Variants in PRICKLE2 observed in about 807,000 individuals in gnomAD.
The protein encoded by PRICKLE2 is prickle planar cell polarity protein 2, also known as prickle-like protein 2.
Under a neutral mutation model 81.4 loss-of-function variants are expected in PRICKLE2, and 21 were observed. That is an observed-to-expected ratio of 0.26 (90% CI 0.18 to 0.37). The LOEUF is 0.37. Ranked by LOEUF, PRICKLE2 falls within the 10% of genes least tolerant of loss-of-function variation. The probability of loss-of-function intolerance (pLI) is 1.00; values close to 1 mark genes in which losing one functional copy is unlikely to be tolerated. For synonymous variants in PRICKLE2, 456 were observed against 421.5 expected (o/e 1.08, Z -1.00); for missense variants, 940 against 1,109.0 (o/e 0.85, Z 2.16).
chr3:64,259,453 C>A (rs1234944234), intron 2 of PRICKLE2, among the ~76,000 whole-genome samples: 3 of 152,142 alleles, frequency 2.0e-5, no homozygotes, highest in Non-Finnish European at 2.9e-5. Flanking sequence ...GACCGAGGAG[C>A]TCGTAGCTAA....
intron 2 of PRICKLE2, chr3:64,163,653 C>A: frequency 5.4e-6 from 1 of 184,430 alleles, no homozygotes; most frequent in Non-Finnish European, 1.2e-5. Flanking sequence ...CAGCTGACAT[C>A]CATCAGAAAT....
At chr3:64,163,276 C>G in intron 2 of PRICKLE2, 147 bp from the exon 3 acceptor site, 1 of 699,582 alleles carries the variant, frequency 1.4e-6, no homozygotes, top group East Asian at 2.6e-5. Context: ...GATGAGTTTC[C>G]TATGGTAAGC....
intron 2 of PRICKLE2, among the ~76,000 whole-genome samples, chr3:64,180,101 A>G (rs1363035882): frequency 6.6e-6 from 1 of 152,220 alleles, no homozygotes; most frequent in Non-Finnish European, 1.5e-5. Context: ...TGCATTATTG[A>G]GTAATGTGCA....
intron 1 of PRICKLE2, among the ~76,000 whole-genome samples, chr3:64,224,543 A>G (rs1250027335): frequency 6.6e-6 from 1 of 152,156 alleles, no homozygotes; most frequent in Non-Finnish European, 1.5e-5. Flanking sequence ...TTCTGACATC[A>G]TGTGTTGAAA....
At chr3:64,114,938 G>A (rs1368501439) in intron 7 of PRICKLE2, among the ~76,000 whole-genome samples, 2 of 152,080 alleles carry the variant, frequency 1.3e-5, no homozygotes, top group Non-Finnish European at 2.9e-5. Flanking sequence ...AAATGTTAAA[G>A]GCAGCTAGAG....
At chr3:64,213,321 C>T (rs1411651311) in intron 1 of PRICKLE2, among the ~76,000 whole-genome samples, 1 of 152,096 alleles carries the variant, frequency 6.6e-6, no homozygotes, top group Non-Finnish European at 1.5e-5. Flanking sequence ...TCAGGTAATC[C>T]ACCCGCCTTG....
chr3:64,144,639 T>C (rs2077415681), intron 7 of PRICKLE2, among the ~76,000 whole-genome samples: 1 of 152,234 alleles, frequency 6.6e-6, no homozygotes. Context: ...AAGGGGCAGA[T>C]ATACTTAGCA....
chr3:64,226,211 C>T (rs1216508973), upstream of PRICKLE2, among the ~76,000 whole-genome samples: 3 of 152,082 alleles, frequency 2.0e-5, no homozygotes, highest in East Asian at 5.8e-4. Flanking sequence ...AAAGTCACAC[C>T]AGGATTTCAG....
chr3:64,233,155 G>A (rs551467944), intron 2 of PRICKLE2, among the ~76,000 whole-genome samples: 2 of 152,222 alleles, frequency 1.3e-5, no homozygotes, highest in African/African-American at 4.8e-5. Flanking sequence ...AATATACACA[G>A]GATCTAATAT....
chr3:64,120,018 G>A (rs554506021), intron 7 of PRICKLE2, among the ~76,000 whole-genome samples: 1 of 152,250 alleles, frequency 6.6e-6, no homozygotes, highest in Non-Finnish European at 1.5e-5. Context: ...GGTACTCAAC[G>A]GATGTAAAGA....
Position 64,099,646 on chromosome 3 carries a change from C to T in PRICKLE2, c.1940G>A (p.Gly647Glu). The T allele has an allele frequency of 6.2e-7, 1 of 1,614,184 alleles. No individual in the cohort carries two copies. Among genetic ancestry groups the T allele is most frequent in the Non-Finnish European group, 8.5e-7 (1 of 1,180,044 alleles). ...GRMHQSFDFD[G>E]GMAGSKLPGQ... ...TGGCAGCTTGCTGCCCGCCATCCCT[C>T]CATCAAAATCAAAGCTCTGATGCAT... The change falls in exon 8 of 8, where the codon GGA becomes GAA. Residue 647 changes from glycine (G) to glutamate (E), a missense_variant. Around this residue, in one of 2 missense-constraint regions of PRICKLE2, gnomAD observed 670 missense variants for 717.2 expected, o/e 0.93. Transcript: ENST00000638394. This position sits in a 1 kb window ranked among gnomAD's most constrained non-coding sequence, Gnocchi z 4.3.
intron 2 of PRICKLE2, among the ~76,000 whole-genome samples, chr3:64,257,633 G>C (rs2079546151): frequency 6.6e-6 from 1 of 152,128 alleles, no homozygotes; most frequent in Non-Finnish European, 1.5e-5. Context: ...CAAGCCAAGG[G>C]GAAAGTCTTA....
At chr3:64,203,821 A>G (rs2078631588) in intron 1 of PRICKLE2, among the ~76,000 whole-genome samples, 1 of 151,734 alleles carries the variant, frequency 6.6e-6, no homozygotes, top group Non-Finnish European at 1.5e-5. Context: ...TACAAAAAAA[A>G]AAAAACATCA....
chr3:64,250,553 A>C (rs2079431893), intron 2 of PRICKLE2, among the ~76,000 whole-genome samples: 1 of 152,234 alleles, frequency 6.6e-6, no homozygotes, highest in African/African-American at 2.4e-5. Context: ...TTATCAAGGC[A>C]GGGCCAATCA....
chr3:64,171,372 C>T (rs1398686825), intron 2 of PRICKLE2, among the ~76,000 whole-genome samples: 5 of 152,180 alleles, frequency 3.3e-5, no homozygotes, highest in Non-Finnish European at 4.4e-5. Flanking sequence ...TGGGTAGAGG[C>T]CAGGGACGCT....
intron 7 of PRICKLE2, among the ~76,000 whole-genome samples, chr3:64,116,991 T>C (rs1559518262): frequency 6.6e-6 from 1 of 152,178 alleles, no homozygotes; most frequent in Non-Finnish European, 1.5e-5. Context: ...TCAAAAAGCT[T>C]ATCCACCACA....
intron 2 of PRICKLE2, among the ~76,000 whole-genome samples, chr3:64,177,425 G>A (rs905012592): frequency 5.9e-5 from 9 of 152,090 alleles, no homozygotes; most frequent in Non-Finnish European, 1.5e-5. Flanking sequence ...GAGCCACCAT[G>A]CCTGGCCTCA....
At chr3:64,117,577 A>G (rs2106961876) in intron 7 of PRICKLE2, among the ~76,000 whole-genome samples, 1 of 152,332 alleles carries the variant, frequency 6.6e-6, no homozygotes, top group Non-Finnish European at 1.5e-5. Flanking sequence ...CAAAAGCCAG[A>G]TCGGAAATGA....
chr3:64,231,886 G>A (rs2079110269), intron 2 of PRICKLE2, among the ~76,000 whole-genome samples: 1 of 152,160 alleles, frequency 6.6e-6, no homozygotes, highest in African/African-American at 2.4e-5. Context: ...TCTTGGGTCT[G>A]ACGACAAAAC....
Sources: gnomAD v4.1 joint callset for allele counts (sites outside exome capture counted in the v4.1 genomes callset) on GRCh38, gnomAD v4.1.1 for gene constraint, gnomAD v4.1.1 regional missense constraint, Gnocchi (gnomAD v3.1) non-coding constraint, MANE v1.5 for transcripts, NCBI Gene and HGNC (gene_info 2026-07-23, HGNC 2026-07-21) for gene names.